The following ROCK1 variants were observed in gnomAD, a reference collection of about 807,000 sequenced individuals.
ROCK1 encodes rho-associated protein kinase 1.
A neutral mutation model predicts 196.8 loss-of-function variants in ROCK1; 36 were observed. That is an observed-to-expected ratio of 0.18 (90% CI 0.14 to 0.24). The LOEUF (loss-of-function observed/expected upper bound fraction) is 0.24. ROCK1 is among the 10% of genes least tolerant of loss of function. The pLI, the probability that ROCK1 is intolerant of heterozygous loss-of-function variation, is 1.00. For synonymous variants in ROCK1, 443 were observed against 515.9 expected (o/e 0.86, Z 1.91); for missense variants, 920 against 1,562.0 (o/e 0.59, Z 6.93).
At chr18:21,006,224 A>G in intron 16 of ROCK1, 127 bp downstream of exon 16, 1 of 713,418 alleles carries the variant, frequency 1.4e-6, no homozygotes. Flanking sequence ...GATTCCACTT[A>G]TATGATGATG....
rs1283645009 is a variant in ROCK1, at chr18:20,959,915, C to T, written c.3437G>A (p.Ser1146Asn). The T allele has an allele frequency of 1.2e-6, 2 of 1,600,776 alleles. No homozygotes were observed. The highest frequency in any genetic ancestry group is 1.7e-6 in the Non-Finnish European group (2 of 1,169,692). ...ATTATAGAACAAAATTTTTTTGCTG[C>T]TTACCACAACATACTGAAATAAGAA... is the stretch of plus-strand genomic sequence containing the variant. ...YGWKKQYVVV[S>N]SKKILFYNDE... Residue 1146 changes from serine (S) to asparagine (N), a missense_variant, in exon 29 of 33, where the codon AGC becomes AAC. Ser to Asn is a conservative substitution (Grantham distance 46). Around this residue, in one of 6 missense-constraint regions of ROCK1, gnomAD observed 116 missense variants for 204.2 expected, o/e 0.57. Transcript: ENST00000399799.
intron 9 of ROCK1, among the ~76,000 whole-genome samples, chr18:21,029,803 CTAAGAAAATAAAATTT>C (rs2035991061): frequency 6.6e-6 from 1 of 151,842 alleles, no homozygotes; most frequent in African/African-American, 2.4e-5. Context: ...AAAATAAATT[CTAAGAAAATAAAATTT>C]TAAGAAAATT....
intron 1 of ROCK1, among the ~76,000 whole-genome samples, chr18:21,102,197 T>C (rs2036664755): frequency 6.6e-6 from 1 of 152,124 alleles, no homozygotes; most frequent in Non-Finnish European, 1.5e-5. Flanking sequence ...AATTGTGATT[T>C]TGTTTGTCTA....
In ROCK1 at chr18:20,967,798, T is replaced by C. The variant is rs761438534; in HGVS notation, c.3146A>G (p.Asn1049Ser). ...LELNQEREKFNQMVVKHQKEL... is the reference protein window; with the variant it reads ...LELNQEREKFSQMVVKHQKEL... ...CTTCTGATGTTTCACTACCATCTGG[T>C]TGAATTTCTCTCTTTCTTGGTTGAG... The change falls in exon 26 of 33, where the codon AAC (asparagine) becomes AGC (serine). Residue 1049 changes from asparagine to serine, a missense_variant. Transcript: ENST00000399799. 9 of 1,606,378 alleles carry C rather than the reference T, an allele frequency of 5.6e-6. No homozygotes were observed. Among genetic ancestry groups the C allele is most frequent in the South Asian group, 3.4e-5 (3 of 88,270 alleles).
chr18:20,973,050 T>C (rs979011674), intron 22 of ROCK1, among the ~76,000 whole-genome samples: 8 of 151,586 alleles, frequency 5.3e-5, no homozygotes, highest in African/African-American at 7.3e-5. Context: ...CAGCTAATTT[T>C]GTATTTTTAG....
Position 21,016,858 on chromosome 18 carries a change from T to TA in ROCK1, c.1362-1380dup, listed in dbSNP as rs1278491227. Among the ~76,000 whole-genome samples, 3 of 151,974 alleles carry TA rather than the reference T, an allele frequency of 2.0e-5. No individual in the cohort carries two copies. The South Asian group carries it at 6.2e-4, about 32-fold the overall frequency. On this transcript the variant is annotated intron_variant, in intron 12 of 32. Coordinates refer to ENST00000399799, the MANE Select transcript of ROCK1 (RefSeq NM_005406.3). ...ACTTTTGATGTTTTTCCATTACACT[T>TA]AAATTCCAAATTTCTTAGCCCCCCC...
Position 21,042,169 on chromosome 18 carries a change from G to A in ROCK1, c.887C>T (p.Ser296Leu), listed in dbSNP as rs1283187603. Reference sequence around the variant, plus strand: ...GTCATTATCATCAGGAAAGGTAAGTGAATTTTTATGGTTCATAATTTTACT... The same window carrying A: ...GTCATTATCATCAGGAAAGGTAAGTAAATTTTTATGGTTCATAATTTTACT... ...TYSKIMNHKN[S>L]LTFPDDNDIS... The change falls in exon 8 of 33, where the codon TCA becomes TTA. Residue 296 changes from serine to leucine, a missense_variant. Coordinates refer to ENST00000399799, the MANE Select transcript of ROCK1 (RefSeq NM_005406.3). 8 of 1,605,740 alleles carry A rather than the reference G, an allele frequency of 5.0e-6. No individual in the cohort carries two copies. In the Admixed American group the frequency reaches 1.2e-4, roughly 24 times the overall value.
intron 1 of ROCK1, among the ~76,000 whole-genome samples, chr18:21,089,315 C>T (rs1284497699): frequency 2.0e-5 from 3 of 152,236 alleles, no homozygotes; most frequent in Non-Finnish European, 4.4e-5. Context: ...CCGCCTTGGC[C>T]TCCCAAAATG....
intron 10 of ROCK1, 52 bp from the exon 11 acceptor site, chr18:21,023,732 T>G: frequency 1.0e-6 from 1 of 976,972 alleles, no homozygotes; most frequent in South Asian, 1.6e-5. Flanking sequence ...CTCTGTAATA[T>G]CCCATGACAA....
intron 1 of ROCK1, among the ~76,000 whole-genome samples, chr18:21,081,301 A>C (rs532614754): frequency 6.6e-6 from 1 of 152,292 alleles, no homozygotes; most frequent in South Asian, 2.1e-4. Context: ...ATTAGAAAAT[A>C]CTTTGAGACA....
intron 2 of ROCK1, among the ~76,000 whole-genome samples, chr18:21,069,576 T>TA (rs34360889): frequency 1.3e-5 from 2 of 151,822 alleles, no homozygotes; most frequent in Admixed American, 6.6e-5. Flanking sequence ...GCCATTACTT[T>TA]AAAAAAAACC....
At chr18:21,001,083 A>G (rs144607101) in intron 16 of ROCK1, among the ~76,000 whole-genome samples, 6 of 152,370 alleles carry the variant, frequency 3.9e-5, no homozygotes, top group Non-Finnish European at 5.9e-5. Context: ...ATATAACAGA[A>G]TATTACTCAG....
At chr18:21,027,219 G>A (rs970963444) in intron 10 of ROCK1, among the ~76,000 whole-genome samples, 3 of 152,124 alleles carry the variant, frequency 2.0e-5, no homozygotes, top group South Asian at 2.1e-4. Context: ...GATTACAGGC[G>A]TGAGCCACCG....
intron 29 of ROCK1, among the ~76,000 whole-genome samples, chr18:20,958,868 ATAT>A (rs1291807917): frequency 2.5e-5 from 3 of 118,370 alleles, no homozygotes; most frequent in African/African-American, 6.8e-5. Flanking sequence ...TAAAATATAT[ATAT>A]TATATATATA....
At chr18:20,981,768 T>C (rs1284993349) in intron 21 of ROCK1, among the ~76,000 whole-genome samples, 1 of 152,200 alleles carries the variant, frequency 6.6e-6, no homozygotes, top group Non-Finnish European at 1.5e-5. Context: ...GAAAAAAGAA[T>C]AAGGGCTTAC....
At chr18:21,053,320 T>C (rs1369799234) in intron 2 of ROCK1, among the ~76,000 whole-genome samples, 3 of 152,114 alleles carry the variant, frequency 2.0e-5, no homozygotes, top group Non-Finnish European at 2.9e-5. Context: ...TTTTTCTTTA[T>C]GAAGAAATTT....
intron 2 of ROCK1, among the ~76,000 whole-genome samples, chr18:21,052,439 C>G (rs940423630): frequency 6.6e-6 from 1 of 152,204 alleles, no homozygotes; most frequent in Non-Finnish European, 1.5e-5. Flanking sequence ...GAAACCCACT[C>G]TTGGTCTAGG....
chr18:21,087,527 T>C (rs2036537380), intron 1 of ROCK1, among the ~76,000 whole-genome samples: 2 of 152,106 alleles, frequency 1.3e-5, no homozygotes, highest in African/African-American at 2.4e-5. Flanking sequence ...GGTGTGGCTA[T>C]ATTAGTGTCA....
At chr18:21,101,230 C>G (rs2036656874) in intron 1 of ROCK1, among the ~76,000 whole-genome samples, 1 of 152,092 alleles carries the variant, frequency 6.6e-6, no homozygotes, top group African/African-American at 2.4e-5. Context: ...ATTAGAAAAT[C>G]ATTATTTTGC....
Sources: gnomAD v4.1 joint callset for allele counts (sites outside exome capture counted in the v4.1 genomes callset) on GRCh38, gnomAD v4.1.1 for gene constraint, gnomAD v4.1.1 regional missense constraint, MANE v1.5 for transcripts, NCBI Gene and HGNC (gene_info 2026-07-23, HGNC 2026-07-21) for gene names.